Variants in PBX1 observed in about 807,000 individuals in gnomAD.
PBX1 encodes pre-B-cell leukemia transcription factor 1.
In PBX1, 6 loss-of-function variants were observed where a neutral mutation model predicts 53.4. That is an observed-to-expected ratio of 0.11 (90% confidence interval 0.06 to 0.22). The LOEUF (loss-of-function observed/expected upper bound fraction) is 0.22, where lower values mean the gene tolerates loss of function less well. Ranked by LOEUF, PBX1 falls within the 10% of genes least tolerant of loss-of-function variation. PBX1 has a pLI of 1.00. For synonymous variants in PBX1, 204 were observed against 212.3 expected (o/e 0.96, Z 0.34); for missense variants, 251 against 551.4 (o/e 0.46, Z 5.46).
chr1:164,661,800 C>T (rs954308634), intron 2 of PBX1, among the ~76,000 whole-genome samples: 8 of 151,974 alleles, frequency 5.3e-5, no homozygotes, highest in African/African-American at 1.9e-4. Context: ...GGCGTTATCA[C>T]CTCATTGGAA....
intron 2 of PBX1, among the ~76,000 whole-genome samples, chr1:164,647,815 C>CTTTT (rs11299199): frequency 7.5e-6 from 1 of 133,926 alleles, no homozygotes; most frequent in African/African-American, 2.7e-5. Context: ...AGCACCCCAG[C>CTTTT]TTTTTTTTTT....
Position 164,650,215 on chromosome 1 carries a change from CTTTTTCTTTGCTACT to C in PBX1, c.265+86910_265+86924del, listed in dbSNP as rs796488660. Among the ~76,000 whole-genome samples, 391 of 137,386 alleles carry C rather than the reference CTTTTTCTTTGCTACT, an allele frequency of 2.8e-3. 1 individual carries two copies. The highest frequency in any genetic ancestry group is 0.013 in the African/African-American group (373 of 28,380). 90.1% of individuals were successfully genotyped at this position (137,386 alleles called of 152,430 possible). On this transcript the variant is annotated intron_variant, in intron 2 of 8. Coordinates refer to ENST00000420696, the MANE Select transcript of PBX1 (RefSeq NM_002585.4). ...CTTAGGCATCTGGTGTAAAGAGAGA[CTTTTTCTTTGCTACT>C]TTTTTTTTTTTTTTTTGAGATGGAG...
chr1:164,722,897 T>C (rs543337866), intron 2 of PBX1, among the ~76,000 whole-genome samples: 1 of 152,334 alleles, frequency 6.6e-6, no homozygotes, highest in African/African-American at 2.4e-5. Context: ...TGTTGAGTTA[T>C]ACATGTATGA....
At chr1:164,565,437 A>ACACACACACT (rs1653366855) in intron 2 of PBX1, among the ~76,000 whole-genome samples, 1 of 151,920 alleles carries the variant, frequency 6.6e-6, no homozygotes, top group Non-Finnish European at 1.5e-5. Flanking sequence ...ACACACACAC[A>ACACACACACT]CACACACACA....
chr1:164,758,402 G>A (rs926868187), intron 2 of PBX1, among the ~76,000 whole-genome samples: 1 of 152,190 alleles, frequency 6.6e-6, no homozygotes, highest in Non-Finnish European at 1.5e-5. Context: ...GCTGCAGGCC[G>A]ACTCTGAAGA....
At chr1:164,818,579 G>A (rs1332738158) in intron 6 of PBX1, 1 of 151,790 alleles carries the variant, frequency 6.6e-6, no homozygotes, top group African/African-American at 2.4e-5. Context: ...TAGTAAAATA[G>A]CTAGGTTTTT....
Position 164,849,414 on chromosome 1 carries a change from A to G in PBX1, c.*2738A>G, listed in dbSNP as rs1365761665. 6.3e-5 allele frequency: 96 copies of G among 1,535,438 alleles called. No individual in the cohort carries two copies. The highest frequency in any genetic ancestry group is 7.9e-5 in the Non-Finnish European group (91 of 1,146,712). On this transcript the variant is annotated 3_prime_UTR_variant, in exon 9 of 9. Transcript: ENST00000420696. The stretch of plus-strand genomic sequence containing the variant: ...CGTGGCATCCGTGAGATCTGTCCAC[A>G]TTAGGCGAAGCAGGAGAACACTGAG...
At chr1:164,751,060 A>G (rs905429987) in intron 2 of PBX1, among the ~76,000 whole-genome samples, 2 of 152,110 alleles carry the variant, frequency 1.3e-5, no homozygotes, top group Non-Finnish European at 2.9e-5. Flanking sequence ...TCATGCCTGT[A>G]ATCCCAGCAC....
intron 2 of PBX1, among the ~76,000 whole-genome samples, chr1:164,777,939 G>A (rs1247037812): frequency 6.6e-6 from 1 of 152,202 alleles, no homozygotes; most frequent in African/African-American, 2.4e-5. Context: ...GGAAAAAGAA[G>A]TATACATTAT....
intron 2 of PBX1, among the ~76,000 whole-genome samples, chr1:164,597,857 T>C (rs931266643): frequency 5.3e-5 from 8 of 152,172 alleles, no homozygotes; most frequent in Non-Finnish European, 1.2e-4. Context: ...CTTAAATTAA[T>C]TATTGCTGTA....
At position 164,559,956 on chromosome 1, in the gene PBX1, A is replaced by G; in HGVS notation, c.134A>G (p.Asp45Gly). Residue 45 changes from aspartate to glycine, a missense_variant, in exon 1 of 9, where the codon GAC becomes GGC. Asp to Gly is a moderately conservative substitution (Grantham distance 94). Around this residue, in one of 4 missense-constraint regions of PBX1, gnomAD observed 63 missense variants for 78.7 expected, o/e 0.80. Coordinates refer to ENST00000420696, the MANE Select transcript of PBX1 (RefSeq NM_002585.4). Reference protein sequence around the residue: ...GEGGRKQDIGDILQQIMTITD... With the variant: ...GEGGRKQDIGGILQQIMTITD... ...GGCGGGAGGAAGCAGGACATTGGAG[A>G]CATTTTACAGCAAATTATGACCATC... 6.5e-7 allele frequency: 1 copy of G among 1,540,898 alleles called. No individual in the cohort carries two copies. The highest frequency in any genetic ancestry group is 1.7e-4 in the Middle Eastern group (1 of 5,948).
intron 2 of PBX1, among the ~76,000 whole-genome samples, chr1:164,723,786 A>T (rs1664533584): frequency 6.6e-6 from 1 of 152,196 alleles, no homozygotes; most frequent in South Asian, 2.1e-4. Flanking sequence ...CTGGAATTGT[A>T]TAGTCTGTAG....
At chr1:164,600,269 T>TTTG (rs1656070175) in intron 2 of PBX1, among the ~76,000 whole-genome samples, 1 of 147,666 alleles carries the variant, frequency 6.8e-6, no homozygotes, top group South Asian at 2.2e-4. Context: ...TTTTTTTTTT[T>TTTG]GATACAGAGT....
At chr1:164,809,514 T>A (rs2102340362) in intron 5 of PBX1, among the ~76,000 whole-genome samples, 1 of 152,324 alleles carries the variant, frequency 6.6e-6, no homozygotes, top group East Asian at 1.9e-4. Context: ...AAGGAGCCTA[T>A]TTTTGACAAG....
At chr1:164,638,429 G>T (rs747026063) in intron 2 of PBX1, among the ~76,000 whole-genome samples, 30 of 152,226 alleles carry the variant, frequency 2.0e-4, no homozygotes, top group Admixed American at 7.2e-4. Context: ...CCCCTTTGAA[G>T]ATATTGTGCA....
At chr1:164,777,477 G>A (rs1385964176) in intron 2 of PBX1, among the ~76,000 whole-genome samples, 1 of 152,140 alleles carries the variant, frequency 6.6e-6, no homozygotes, top group Non-Finnish European at 1.5e-5. Context: ...TGAACAGCAA[G>A]GCTGCATTCC....
chr1:164,664,896 AC>A (rs1344969462), intron 2 of PBX1, among the ~76,000 whole-genome samples: 1 of 69,778 alleles, frequency 1.4e-5, no homozygotes, highest in Non-Finnish European at 4.0e-5. Context: ...ATTACCTCCC[AC>A]TGAGTCCCTC....
intron 2 of PBX1, among the ~76,000 whole-genome samples, chr1:164,659,460 A>C (rs2220477): frequency 0.012 from 1,856 of 152,268 alleles, 37 homozygotes; most frequent in African/African-American, 0.042. Flanking sequence ...TTCTTAAATC[A>C]CCTTACATAG....
At chr1:164,870,859 C>T (rs967304757) in intron 2 of PBX1, among the ~76,000 whole-genome samples, 2 of 152,168 alleles carry the variant, frequency 1.3e-5, no homozygotes, top group African/African-American at 4.8e-5. Flanking sequence ...GGGCATCACT[C>T]CCCATCTCCT....
Sources: allele counts gnomAD v4.1 joint callset (sites outside exome capture counted in the v4.1 genomes callset), GRCh38; gene constraint gnomAD v4.1.1; regional missense constraint gnomAD v4.1.1; transcripts MANE v1.5; gene names NCBI Gene and HGNC (gene_info 2026-07-23, HGNC 2026-07-21).